IL4I1: variants seen among roughly 807,000 people sequenced by gnomAD.
IL4I1 encodes the protein interleukin 4 induced 1.
IL4I1 carries 24 observed loss-of-function variants against 29.7 expected under a neutral mutation model. That is an observed-to-expected ratio of 0.81 (90% CI 0.59 to 1.14). The LOEUF is 1.14. Among genes scored for constraint, IL4I1 ranks in the 50% most tolerant of loss-of-function variants. The probability of loss-of-function intolerance (pLI) is 0.00; values close to 1 mark genes in which losing one functional copy is unlikely to be tolerated. For synonymous variants in IL4I1, 371 were observed against 352.5 expected (o/e 1.05, Z -0.59); for missense variants, 686 against 785.6 (o/e 0.87, Z 1.52).
chr19:49,905,559 C>G (rs1251113935), intron 2 of IL4I1, among the ~76,000 whole-genome samples: 1 of 152,190 alleles, frequency 6.6e-6, no homozygotes, highest in Admixed American at 6.5e-5. Context: ...TACTTAGACA[C>G]AACTCTTGTC....
In IL4I1 at chr19:49,890,531, C is replaced by G; in HGVS notation, c.843G>C (p.Val281=). Residue 281 remains valine, a synonymous_variant, in exon 8 of 8, where the codon GTG becomes GTC. Coordinates refer to ENST00000391826, the MANE Select transcript of IL4I1 (RefSeq NM_152899.2). ...RALLSSLSGL[V]LLNAPVVAMT... ...TCGCCACCACGGGCGCGTTCAACAG[C>G]ACAAGCCCGGACAGCGAGCTCAGCA... The G allele has an allele frequency of 6.2e-7, 1 of 1,607,570 alleles. No homozygotes were observed. Among genetic ancestry groups the G allele is most frequent in the African/African-American group, 1.3e-5 (1 of 75,008 alleles).
chr19:49,922,575 GAC>G (rs1393153207), intron 2 of IL4I1, among the ~76,000 whole-genome samples: 2 of 151,986 alleles, frequency 1.3e-5, no homozygotes, highest in Non-Finnish European at 2.9e-5. Context: ...CTCTGCTGTG[GAC>G]AGAGAGGATG....
intron 1 of IL4I1, 124 bp downstream of exon 1, chr19:49,896,711 G>C (rs1413926333): frequency 1.1e-5 from 6 of 522,186 alleles, no homozygotes; most frequent in African/African-American, 2.1e-5. Flanking sequence ...TGGGATTCCA[G>C]GCATGAGCCC....
At chr19:49,925,686 G>A (rs569102981) in intron 2 of IL4I1, among the ~76,000 whole-genome samples, 76 of 152,280 alleles carry the variant, frequency 5.0e-4, no homozygotes, top group African/African-American at 1.8e-3. Flanking sequence ...GGAGCAGAAA[G>A]GGCATTAAGT....
chr19:49,921,338 C>CT lies in IL4I1; in HGVS notation c.-228+6355dup, dbSNP rs1419491080. Among the ~76,000 whole-genome samples the CT allele has an allele frequency of 6.6e-6, 1 of 152,054 alleles. No homozygotes were observed. Among genetic ancestry groups the CT allele is most frequent in the African/African-American group, 2.4e-5 (1 of 41,380 alleles). On this transcript the variant is annotated intron_variant, in intron 2 of 9. Transcript: ENST00000341114. This position sits in a 1 kb window ranked among gnomAD's most constrained non-coding sequence, Gnocchi z 5.4. The stretch of plus-strand genomic sequence containing the variant: ...GCACCGAGCCTCTCCAAAACATGGT[C>CT]TTTTTTTGCTCCCCACTGCCACCAC...
chr19:49,924,532 G>A (rs1003316780), intron 2 of IL4I1, among the ~76,000 whole-genome samples: 2 of 152,084 alleles, frequency 1.3e-5, no homozygotes, highest in Non-Finnish European at 2.9e-5. Flanking sequence ...AGGCCCCTCC[G>A]CACCGAAAAA....
intron 2 of IL4I1, among the ~76,000 whole-genome samples, chr19:49,911,961 T>C (rs956454188): frequency 5.9e-5 from 9 of 152,306 alleles, no homozygotes; most frequent in African/African-American, 2.2e-4. Context: ...CTCAAGCCGG[T>C]GTGTTGTTAC....
chr19:49,909,971 G>A (rs370426185), intron 2 of IL4I1: 149 of 735,862 alleles, frequency 2.0e-4, no homozygotes, highest in East Asian at 1.9e-3. Flanking sequence ...TTTGGAGGGT[G>A]GTGGGATGGG....
intron 5 of IL4I1, 108 bp downstream of exon 5, chr19:49,894,160 C>T: frequency 9.4e-7 from 1 of 1,061,398 alleles, no homozygotes; most frequent in Non-Finnish European, 1.4e-6. Flanking sequence ...GCGCCCCACC[C>T]CATGGAGGGG....
intron 2 of IL4I1, among the ~76,000 whole-genome samples, chr19:49,904,682 A>C (rs1422115774): frequency 6.6e-6 from 1 of 151,504 alleles, no homozygotes; most frequent in South Asian, 2.1e-4. Context: ...AGTTACAGGC[A>C]CCCACCACCA....
chr19:49,903,304 G>T (rs1339476283), intron 3 of IL4I1, among the ~76,000 whole-genome samples: 1 of 152,198 alleles, frequency 6.6e-6, no homozygotes, highest in Non-Finnish European at 1.5e-5. Flanking sequence ...CACCCGGTCT[G>T]CTTCTTGCCT....
chr19:49,919,046 G>A (rs1271136087), intron 2 of IL4I1, among the ~76,000 whole-genome samples: 13 of 152,144 alleles, frequency 8.5e-5, no homozygotes, highest in Non-Finnish European at 8.8e-5. Context: ...CCAGCTACTC[G>A]GGAGGCTGAG....
At chr19:49,908,424 C>T in intron 2 of IL4I1, 4 of 1,614,128 alleles carry the variant, frequency 2.5e-6, no homozygotes, top group Non-Finnish European at 3.4e-6. Flanking sequence ...GCGGGGGCCC[C>T]GGACGTGTTC....
chr19:49,922,648 G>A (rs1347362507), intron 2 of IL4I1, among the ~76,000 whole-genome samples: 1 of 151,726 alleles, frequency 6.6e-6, no homozygotes, highest in Non-Finnish European at 1.5e-5. Context: ...CACACTGGTG[G>A]TTTGCTGGGG....
chr19:49,918,397 G>C (rs562964301), intron 2 of IL4I1: 1 of 152,170 alleles, frequency 6.6e-6, no homozygotes, highest in Non-Finnish European at 1.5e-5. Flanking sequence ...TCTGTGACAT[G>C]GAAGAGCTCC....
chr19:49,913,750 T>C (rs1016569715), intron 2 of IL4I1, among the ~76,000 whole-genome samples: 2 of 152,152 alleles, frequency 1.3e-5, no homozygotes, highest in Admixed American at 1.3e-4. Flanking sequence ...GCTCTGTGAG[T>C]CTTAGCTCAT....
intron 4 of IL4I1, 39 bp from the exon 5 acceptor site, chr19:49,894,508 T>TG (rs753006842): frequency 8.8e-7 from 1 of 1,140,886 alleles, no homozygotes; most frequent in Non-Finnish European, 1.1e-6. Flanking sequence ...CGGGCTCCAG[T>TG]GGGGGTGGCC....
rs759395775 is a variant in IL4I1, at chr19:49,890,512, C to G, written c.862G>C (p.Val288Leu). Residue 288 changes from valine to leucine, a missense_variant, in exon 8 of 8, where the codon GTG becomes CTG. Transcript: ENST00000391826. ...SGLVLLNAPVVAMTQGPHDVH... is the reference protein window; with the variant it reads ...SGLVLLNAPVLAMTQGPHDVH... ...TCGTGCGGTCCCTGGGTCATCGCCACCACGGGCGCGTTCAACAGCACAAGC... is the reference window on the plus strand; with the variant it reads ...TCGTGCGGTCCCTGGGTCATCGCCAGCACGGGCGCGTTCAACAGCACAAGC... 7.5e-6 allele frequency: 12 copies of G among 1,610,342 alleles called. No individual in the cohort carries two copies. In the African/African-American group the frequency reaches 1.6e-4, roughly 21 times the overall value.
intron 2 of IL4I1, chr19:49,909,838 T>G (rs749975752): frequency 8.7e-6 from 14 of 1,611,256 alleles, no homozygotes; most frequent in Non-Finnish European, 1.2e-5. Context: ...GCAGCTACTC[T>G]GGCTCCCAAA....
Sources: gnomAD v4.1 joint callset for allele counts (sites outside exome capture counted in the v4.1 genomes callset) on GRCh38, gnomAD v4.1.1 for gene constraint, Gnocchi (gnomAD v3.1) non-coding constraint, MANE v1.5 for transcripts, NCBI Gene and HGNC (gene_info 2026-07-23, HGNC 2026-07-21) for gene names.